The following PRR14L variants were observed in gnomAD, a reference collection of about 807,000 sequenced individuals.
PRR14L encodes the protein protein PRR14L.
In PRR14L, 80 loss-of-function variants were observed where a neutral mutation model predicts 155.0. That is an observed-to-expected ratio of 0.52 (90% CI 0.43 to 0.62). The LOEUF (loss-of-function observed/expected upper bound fraction) is 0.62, where lower values mean the gene tolerates loss of function less well. Ranked by LOEUF, PRR14L falls within the 20% of genes least tolerant of loss-of-function variation. The pLI is 0.00. For missense variants in PRR14L, 2,469 were observed against 2,548.0 expected, an observed-to-expected ratio of 0.97 and a Z score of 0.67; for synonymous variants, 883 against 916.0, an observed-to-expected ratio of 0.96 and a Z score of 0.65.
At chr22:31,690,179 A>T (rs1326696888) in intron 7 of PRR14L, among the ~76,000 whole-genome samples, 3 of 152,064 alleles carry the variant, frequency 2.0e-5, no homozygotes, top group African/African-American at 7.2e-5. Flanking sequence ...GGCCTCCCAA[A>T]GTTCTGAGAT....
At chr22:31,692,779 T>C (rs954738085) in intron 7 of PRR14L, among the ~76,000 whole-genome samples, 3 of 152,116 alleles carry the variant, frequency 2.0e-5, no homozygotes, top group Non-Finnish European at 2.9e-5. Flanking sequence ...TAGTTGAGAC[T>C]ACAGGAGTGT....
chr22:31,688,424 TAA>T (rs879721879), intron 7 of PRR14L, among the ~76,000 whole-genome samples, 197 bp from the exon 8 acceptor site: 2 of 144,916 alleles, frequency 1.4e-5, no homozygotes. Context: ...CAGGCTAGAT[TAA>T]AAAAAAAAAA....
At position 31,716,006 on chromosome 22, in the gene PRR14L, T is replaced by A; in HGVS notation, c.1833A>T (p.Lys611Asn). 6.4e-7 allele frequency: 1 copy of A among 1,550,892 alleles called. No individual in the cohort carries two copies. Among genetic ancestry groups the A allele is most frequent in the South Asian group, 1.2e-5 (1 of 84,054 alleles). Residue 611 changes from lysine (K) to asparagine (N), a missense_variant, in exon 4 of 9, where the codon AAA becomes AAT. Physicochemically the swap from Lys to Asn is moderately conservative, Grantham distance 94. This residue lies in a region of PRR14L where 2,363 missense variants were observed against 2,371.6 expected (regional missense o/e 1.00). Transcript: ENST00000327423. ...TATCATCATGTGAGGTCTGTATAAC[T>A]TTTTCTGACTCAGGTCTGTAATCAA... ...PEFDYRPESE[K>N]VIQTSHDDIP...
At chr22:31,710,716 A>G (rs131222) in intron 4 of PRR14L, among the ~76,000 whole-genome samples, 15,846 of 152,106 alleles carry the variant, frequency 0.1, 1,061 homozygotes, top group African/African-American at 0.18. Flanking sequence ...GGCCTCCCAA[A>G]GCGCTGGGAT....
In PRR14L at chr22:31,684,545, A is replaced by T. The variant is rs1325110672; in HGVS notation, c.*982T>A. 1 of 152,146 alleles carries T rather than the reference A, an allele frequency of 6.6e-6. No homozygotes were observed. The highest frequency in any genetic ancestry group is 2.1e-4 in the South Asian group (1 of 4,836). 9.4% of individuals were successfully genotyped at this position (152,146 alleles called of 1,614,324 possible). ...CGGGAGAGAAACCTGCTCTTACTTA[A>T]ATCACTAAAATAAATACATGTATTT... On this transcript the variant is annotated 3_prime_UTR_variant, in exon 9 of 9. Transcript: ENST00000327423.
At chr22:31,722,543 G>A (rs374498428) in intron 3 of PRR14L, among the ~76,000 whole-genome samples, 1,901 of 141,754 alleles carry the variant, frequency 0.013, 14 homozygotes, top group Middle Eastern at 0.034. Flanking sequence ...TTTTTTTTGA[G>A]ACGGAGTCTT....
intron 7 of PRR14L, among the ~76,000 whole-genome samples, chr22:31,691,414 TCTCA>T (rs1423872339): frequency 6.6e-6 from 1 of 152,130 alleles, no homozygotes; most frequent in East Asian, 1.9e-4. Context: ...AGAGATGTGG[TCTCA>T]CTATGTTGCC....
In PRR14L at chr22:31,712,404, C is replaced by T. The variant is rs1898934800; in HGVS notation, c.5435G>A (p.Arg1812Lys). The T allele has an allele frequency of 1.3e-6, 2 of 1,589,172 alleles. No individual in the cohort carries two copies. Among genetic ancestry groups the T allele is most frequent in the Non-Finnish European group, 8.6e-7 (1 of 1,167,410 alleles). The change falls in exon 4 of 9, where the codon AGA becomes AAA. Residue 1812 changes from arginine to lysine, a missense_variant. Physicochemically the swap from Arg to Lys is conservative, Grantham distance 26 (BLOSUM62 2). This residue lies in a region of PRR14L where 2,363 missense variants were observed against 2,371.6 expected (regional missense o/e 1.00). Coordinates refer to ENST00000327423, the MANE Select transcript of PRR14L (RefSeq NM_173566.3). ...DYGGTAIVQTRADCSVLGLHT... is the reference protein window; with the variant it reads ...DYGGTAIVQTKADCSVLGLHT... ...AAGGCCAAGGACAGAGCAGTCTGCT[C>T]TGGTCTGGACTATGGCAGTGCCTCC...
chr22:31,726,363 T>C (rs1490596908), intron 2 of PRR14L, among the ~76,000 whole-genome samples: 1 of 152,056 alleles, frequency 6.6e-6, no homozygotes, highest in Non-Finnish European at 1.5e-5. Context: ...ACTCCTGACC[T>C]CAGGTGATCC....
rs184067201 is a variant in PRR14L, at chr22:31,717,359, T to C, written c.548-68A>G. ...AAATCACTTGGTCTACCTTCATGCA[T>C]TTTATTATGCTATGCTACCAAGGGC... On this transcript the variant is annotated intron_variant, in intron 3 of 8. Transcript: ENST00000327423. The C allele has an allele frequency of 1.2e-3, 1,513 of 1,262,760 alleles. 2 individuals carry two copies. The highest frequency in any genetic ancestry group is 1.6e-3 in the Non-Finnish European group (1,456 of 930,112). The allele number at this position is 1,262,760 out of a possible 1,614,324, so 78.2% of individuals were successfully genotyped here.
chr22:31,738,591 C>T lies in PRR14L; in HGVS notation c.270G>A (p.Gly90=), dbSNP rs2074795820. The part of the protein sequence containing the change: ...YETLDHGSEP[G]RCGLVDSTAG... Reference sequence around the variant, plus strand: ...CTGTGGAGTCCACTAGCCCACATCGCCCAGGCTCACTCCCATGATCCAAGG... The same window carrying T: ...CTGTGGAGTCCACTAGCCCACATCGTCCAGGCTCACTCCCATGATCCAAGG... Residue 90 remains glycine (G), a synonymous_variant, in exon 2 of 9, where the codon GGG becomes GGA. Transcript: ENST00000327423. 2 of 1,552,054 alleles carry T rather than the reference C, an allele frequency of 1.3e-6. No individual in the cohort carries two copies. The highest frequency in any genetic ancestry group is 1.7e-6 in the Non-Finnish European group (2 of 1,147,092).
intron 8 of PRR14L, 129 bp downstream of exon 8, chr22:31,688,027 C>CAAAA: frequency 1.6e-5 from 9 of 577,900 alleles, no homozygotes; most frequent in Admixed American, 7.2e-5. Context: ...GACTCTGTCT[C>CAAAA]AAAAAAAAAA....
In PRR14L at chr22:31,714,184, T is replaced by C. The variant is rs1438635016; in HGVS notation, c.3655A>G (p.Lys1219Glu). Reference protein sequence around the residue: ...GKESTFGISSKESMSCHDESS... With the variant: ...GKESTFGISSEESMSCHDESS... ...TCATCATGGCAAGACATCGACTCTT[T>C]TGAGGAAATTCCAAAGGTACTTTCT... Residue 1219 changes from lysine to glutamate, a missense_variant, in exon 4 of 9, where the codon AAA becomes GAA. Physicochemically the swap from Lys to Glu is moderately conservative, Grantham distance 56. Around this residue, in one of 2 missense-constraint regions of PRR14L, gnomAD observed 2,363 missense variants for 2,371.6 expected, o/e 1.00. Coordinates refer to ENST00000327423, the MANE Select transcript of PRR14L (RefSeq NM_173566.3). 10 of 1,551,526 alleles carry C rather than the reference T, an allele frequency of 6.4e-6. No individual in the cohort carries two copies. Among genetic ancestry groups the C allele is most frequent in the African/African-American group, 1.4e-5 (1 of 73,046 alleles).
In PRR14L at chr22:31,726,303, A is replaced by G. The variant is rs190550825; in HGVS notation, c.475-693T>C. Reference sequence around the variant, plus strand: ...CCACCACTATGCCTAGCTAATTTTTATATTTTTAGTAGAGACAGTGTTTCC... The same window carrying G: ...CCACCACTATGCCTAGCTAATTTTTGTATTTTTAGTAGAGACAGTGTTTCC... On this transcript the variant is annotated intron_variant, in intron 2 of 8. Transcript: ENST00000327423. Among the ~76,000 whole-genome samples the G allele has an allele frequency of 2.5e-3, 382 of 150,950 alleles. 2 individuals carry two copies. Among genetic ancestry groups the G allele is most frequent in the African/African-American group, 7.9e-3 (325 of 41,158 alleles).
At chr22:31,719,849 A>G (rs1306923464) in intron 3 of PRR14L, among the ~76,000 whole-genome samples, 1 of 150,772 alleles carries the variant, frequency 6.6e-6, no homozygotes, top group Non-Finnish European at 1.5e-5. Flanking sequence ...TGATCCTCTC[A>G]CCTCCGCCTC....
chr22:31,711,687 A>G (rs1332664199), intron 4 of PRR14L, among the ~76,000 whole-genome samples: 1 of 146,622 alleles, frequency 6.8e-6, no homozygotes, highest in Non-Finnish European at 1.5e-5. Flanking sequence ...AGGAGGCTGA[A>G]GGAGGAGAAT....
chr22:31,720,391 T>C (rs1267394237), intron 3 of PRR14L, among the ~76,000 whole-genome samples: 1 of 152,162 alleles, frequency 6.6e-6, no homozygotes, highest in Non-Finnish European at 1.5e-5. Flanking sequence ...ATTGTGAAAT[T>C]AGCCTGCTTT....
intron 1 of PRR14L, among the ~76,000 whole-genome samples, chr22:31,741,063 C>G (rs1340862346): frequency 6.6e-6 from 1 of 151,810 alleles, no homozygotes; most frequent in Non-Finnish European, 1.5e-5. Flanking sequence ...ACCATCCTGG[C>G]TAACACGGTG....
chr22:31,699,870 G>GTT (rs76015424), intron 7 of PRR14L, among the ~76,000 whole-genome samples: 9 of 142,786 alleles, frequency 6.3e-5, no homozygotes, highest in Middle Eastern at 3.6e-3. Context: ...AGCTTCAAGG[G>GTT]TTTTTTTTTT....
Sources: allele counts gnomAD v4.1 joint callset (sites outside exome capture counted in the v4.1 genomes callset), GRCh38; gene constraint gnomAD v4.1.1; regional missense constraint gnomAD v4.1.1; transcripts MANE v1.5; gene names NCBI Gene and HGNC (gene_info 2026-07-23, HGNC 2026-07-21).